Variants in ANKRD10 observed in about 807,000 individuals in gnomAD.
ANKRD10 encodes the protein ankyrin repeat domain 10.
Under a neutral mutation model 27.0 loss-of-function variants are expected in ANKRD10, and 14 were observed. The ratio of observed to expected loss-of-function variants is 0.52; its 90% CI spans 0.34 to 0.81. ANKRD10 has a LOEUF of 0.81. Ranked by LOEUF, ANKRD10 falls within the 40% of genes least tolerant of loss-of-function variation. The probability of loss-of-function intolerance (pLI) is 0.01; values close to 1 mark genes in which losing one functional copy is unlikely to be tolerated. For synonymous variants in ANKRD10, 250 were observed against 224.5 expected, an observed-to-expected ratio of 1.11 and a Z score of -1.01; for missense variants, 493 against 544.0, an observed-to-expected ratio of 0.91 and a Z score of 0.93.
Position 110,879,478 on chromosome 13 carries a change from A to C in ANKRD10, c.*159T>G. On this transcript the variant is annotated 3_prime_UTR_variant, in exon 6 of 6. Transcript: ENST00000267339. ...TAGTAAGCCCTACTCATGCACAAAC[A>C]AGCAGTTGCTGGGAACTTGTCGAAG... 1.6e-6 allele frequency: 1 copy of C among 627,522 alleles called. No homozygotes were observed. Among genetic ancestry groups the C allele is most frequent in the East Asian group, 2.7e-5 (1 of 36,448 alleles). 38.9% of individuals were successfully genotyped at this position (627,522 alleles called of 1,614,324 possible).
At chr13:110,897,397 T>G (rs1481126859) in intron 3 of ANKRD10, among the ~76,000 whole-genome samples, 1 of 151,550 alleles carries the variant, frequency 6.6e-6, no homozygotes, top group African/African-American at 2.4e-5. Flanking sequence ...GCACCGAGAT[T>G]AGAGGCATGA....
At chr13:110,897,227 G>C (rs1209982444) in intron 3 of ANKRD10, among the ~76,000 whole-genome samples, 3 of 151,538 alleles carry the variant, frequency 2.0e-5, no homozygotes, top group Non-Finnish European at 4.4e-5. Context: ...CCTGGGCTAA[G>C]GGATCCTCCT....
intron 3 of ANKRD10, chr13:110,898,941 G>C (rs534105522): frequency 6.6e-6 from 1 of 152,174 alleles, no homozygotes; most frequent in South Asian, 2.1e-4. Flanking sequence ...ATTTTTAGTA[G>C]AGACGGGGTT....
chr13:110,891,415 CTTA>C (rs1035710160), intron 4 of ANKRD10, among the ~76,000 whole-genome samples: 5 of 152,314 alleles, frequency 3.3e-5, no homozygotes, highest in East Asian at 1.9e-4. Flanking sequence ...TCATGTCATG[CTTA>C]TGATTTTAGC....
chr13:110,892,225 A>G (rs2065093481), intron 4 of ANKRD10, among the ~76,000 whole-genome samples: 1 of 150,128 alleles, frequency 6.7e-6, no homozygotes, highest in African/African-American at 2.4e-5. Context: ...GGAGGCCAGG[A>G]GTTCAAGACC....
At chr13:110,903,771 TCTC>T (rs2065450659) in intron 3 of ANKRD10, among the ~76,000 whole-genome samples, 1 of 152,122 alleles carries the variant, frequency 6.6e-6, no homozygotes, top group African/African-American at 2.4e-5. Context: ...ATTTATATTA[TCTC>T]CTAAATATTA....
intron 4 of ANKRD10, among the ~76,000 whole-genome samples, chr13:110,890,868 A>C (rs887784824): frequency 6.6e-6 from 1 of 152,226 alleles, no homozygotes; most frequent in Non-Finnish European, 1.5e-5. Context: ...CCTCCTTCTA[A>C]AGGAAGAAAA....
chr13:110,911,009 A>T (rs1390484591), intron 1 of ANKRD10, among the ~76,000 whole-genome samples: 1 of 152,238 alleles, frequency 6.6e-6, no homozygotes, highest in Non-Finnish European at 1.5e-5. Flanking sequence ...GACGACTAAC[A>T]CTATACAGAT....
rs2064777298 is a variant in ANKRD10 at position 110,879,813 on chromosome 13, A to G, written c.1087T>C (p.Ser363Pro). The change falls in exon 6 of 6, where the codon TCC (serine) becomes CCC (proline). Residue 363 changes from serine to proline, a missense_variant. Physicochemically the swap from Ser to Pro is moderately conservative, Grantham distance 74. Transcript: ENST00000267339. ...TTATCCCCAATGTCTTCCACCCAGG[A>G]AGGCCTACTGGCTATGCAGCTACTT... ...SPSSCIASRP[S>P]WVEDIGDNLY... 1 of 1,614,250 alleles carries G rather than the reference A, an allele frequency of 6.2e-7. No homozygotes were observed. Among genetic ancestry groups the G allele is most frequent in the Non-Finnish European group, 8.5e-7 (1 of 1,180,042 alleles).
rs2138813718 is a variant in ANKRD10, at chr13:110,878,792, G to A, written c.*845C>T. ...AGAGTCAAAATTCTCTCAGTTAACT[G>A]GATATACATAGTGGTATATATCTTA... On this transcript the variant is annotated 3_prime_UTR_variant, in exon 6 of 6. Coordinates refer to ENST00000267339, the MANE Select transcript of ANKRD10 (RefSeq NM_017664.4). 6.6e-6 allele frequency: 1 copy of A among 152,580 alleles called. No individual in the cohort carries two copies. Among genetic ancestry groups the A allele is most frequent in the East Asian group, 1.9e-4 (1 of 5,182 alleles). The allele number at this position is 152,580 out of a possible 1,614,324, so 9.5% of individuals were successfully genotyped here. A position where few individuals can be genotyped will look rare whatever the true frequency, so the allele number is the denominator to read the frequency against.
chr13:110,903,931 G>A (rs187965537), intron 3 of ANKRD10: 4 of 152,252 alleles, frequency 2.6e-5, no homozygotes, highest in Non-Finnish European at 4.4e-5. Context: ...TATGAGCAGC[G>A]TTACAGGGAA....
intron 4 of ANKRD10, among the ~76,000 whole-genome samples, chr13:110,892,214 T>A (rs1455898210): frequency 6.7e-6 from 1 of 149,714 alleles, no homozygotes; most frequent in Non-Finnish European, 1.5e-5. Context: ...GGTGGCTTAC[T>A]GGAGGCCAGG....
At chr13:110,892,717 TAATA>T in intron 4 of ANKRD10, 1 of 1,018,488 alleles carries the variant, frequency 9.8e-7, no homozygotes, top group Non-Finnish European at 1.2e-6. Flanking sequence ...AGATTTTCTT[TAATA>T]GATATATTTC....
At chr13:110,887,969 A>G (rs2064976876) in intron 4 of ANKRD10, among the ~76,000 whole-genome samples, 1 of 152,202 alleles carries the variant, frequency 6.6e-6, no homozygotes. Context: ...ACCTGGAACT[A>G]TTCTTTGTTC....
At chr13:110,894,614 C>T (rs1332673878) in intron 3 of ANKRD10, 1 of 152,578 alleles carries the variant, frequency 6.6e-6, no homozygotes, top group Non-Finnish European at 1.5e-5. Flanking sequence ...ATGCATTACA[C>T]CTTTTGAAAA....
At chr13:110,904,795 T>C (rs1433329196) in intron 3 of ANKRD10, among the ~76,000 whole-genome samples, 5 of 152,240 alleles carry the variant, frequency 3.3e-5, no homozygotes, top group Non-Finnish European at 5.9e-5. Flanking sequence ...AATGTAACAG[T>C]AAACAGAGGC....
intron 3 of ANKRD10, among the ~76,000 whole-genome samples, chr13:110,899,521 C>T (rs1198003181): frequency 2.0e-5 from 3 of 152,146 alleles, no homozygotes; most frequent in East Asian, 1.9e-4. Flanking sequence ...ACTCAGACAA[C>T]GGTCAACTTG....
chr13:110,907,554 T>C (rs1386954178), intron 2 of ANKRD10, among the ~76,000 whole-genome samples: 2 of 151,926 alleles, frequency 1.3e-5, no homozygotes, highest in African/African-American at 4.8e-5. Context: ...AAAATAAGAG[T>C]ATGAAAGGCT....
In ANKRD10 at chr13:110,898,176, G is replaced by A. The variant is rs140064347; in HGVS notation, c.456-4913C>T. On this transcript the variant is annotated intron_variant, in intron 3 of 5. Transcript: ENST00000267339. Reference sequence around the variant, plus strand: ...CTAAATTGAGTGTTTTTGGTTACATGTTCTAAGTGCCTTACAATAAACCAG... The same window carrying A: ...CTAAATTGAGTGTTTTTGGTTACATATTCTAAGTGCCTTACAATAAACCAG... Among the ~76,000 whole-genome samples the A allele has an allele frequency of 7.7e-4, 117 of 152,286 alleles. 2 individuals are homozygous for A. Among genetic ancestry groups the A allele is most frequent in the Middle Eastern group, 6.8e-3 (2 of 294 alleles).
Sources: allele counts gnomAD v4.1 joint callset (sites outside exome capture counted in the v4.1 genomes callset), GRCh38; gene constraint gnomAD v4.1.1; transcripts MANE v1.5; gene names NCBI Gene and HGNC (gene_info 2026-07-23, HGNC 2026-07-21).